Variants in MEGF6 observed in about 807,000 individuals in gnomAD.
The protein encoded by MEGF6 is multiple epidermal growth factor-like domains protein 6.
In MEGF6, 184 loss-of-function variants were observed where a neutral mutation model predicts 207.1. The observed-to-expected ratio is 0.89, with a 90% CI of 0.79 to 1.00. The LOEUF is 1.00. Ranked by LOEUF, MEGF6 falls within the 50% of genes least tolerant of loss-of-function variation. The pLI, the probability that MEGF6 is intolerant of heterozygous loss-of-function variation, is 0.00. For synonymous variants in MEGF6, 1,038 were observed against 910.0 expected (o/e 1.14, Z -2.53); for missense variants, 2,282 against 2,202.9 (o/e 1.04, Z -0.72).
At chr1:3,531,025 G>A (rs1390872935) in intron 4 of MEGF6, 8 of 1,433,770 alleles carry the variant, frequency 5.6e-6, no homozygotes, top group Non-Finnish European at 7.3e-6. Flanking sequence ...CAAAGGGAGC[G>A]CGCCGGGGAG....
intron 4 of MEGF6, among the ~76,000 whole-genome samples, chr1:3,533,626 G>A (rs909387419): frequency 2.6e-4 from 40 of 152,188 alleles, no homozygotes; most frequent in Non-Finnish European, 3.2e-4. Context: ...GCAAGGGCAC[G>A]GGCTGCGGAG....
intron 4 of MEGF6, chr1:3,531,038 C>A (rs907665710): frequency 6.9e-7 from 1 of 1,454,950 alleles, no homozygotes; most frequent in African/African-American, 1.5e-5. Flanking sequence ...CCGGGGAGCG[C>A]CCTGGCCCCG....
At chr1:3,595,545 G>C (rs1170790481) in intron 2 of MEGF6, 98 bp from the exon 3 acceptor site, 1 of 1,041,606 alleles carries the variant, frequency 9.6e-7, no homozygotes, top group Non-Finnish European at 1.4e-6. Flanking sequence ...CGTCAGCCGG[G>C]TTCCCGGCGG....
At chr1:3,511,958 G>T in intron 8 of MEGF6, 48 bp downstream of exon 8, 1 of 1,610,280 alleles carries the variant, frequency 6.2e-7, no homozygotes, top group Non-Finnish European at 8.5e-7. Flanking sequence ...CTGGGGAGCA[G>T]CATGGCCATC....
At chr1:3,496,533 C>T in intron 29 of MEGF6, 122 bp downstream of exon 29, 1 of 1,435,712 alleles carries the variant, frequency 7.0e-7, no homozygotes, top group East Asian at 2.5e-5. Flanking sequence ...GGGCCAGGCC[C>T]AGCCAGAGGG....
intron 4 of MEGF6, among the ~76,000 whole-genome samples, chr1:3,545,370 C>T (rs1570105478): frequency 6.6e-6 from 1 of 152,256 alleles, no homozygotes; most frequent in East Asian, 1.9e-4. Flanking sequence ...TGAGGGACTG[C>T]ACAGGCAGCC....
chr1:3,501,506 C>T (rs1008278613), intron 18 of MEGF6, among the ~76,000 whole-genome samples, 198 bp from the exon 19 acceptor site: 10 of 152,020 alleles, frequency 6.6e-5, no homozygotes, highest in African/African-American at 9.7e-5. Flanking sequence ...CAGTAGAGGA[C>T]CCCCAGCCCC....
At chr1:3,505,654 T>C (rs1641087723) in intron 15 of MEGF6, 98 bp from the exon 16 acceptor site, 1 of 1,418,376 alleles carries the variant, frequency 7.1e-7, no homozygotes, top group Non-Finnish European at 9.3e-7. Flanking sequence ...ACAGCCAAGA[T>C]CATGTAGGGA....
rs779823450 is a variant in MEGF6 at position 3,501,301 on chromosome 1, G to A, written c.2322C>T (p.Pro774=). The change falls in exon 19 of 37, where the codon CCC becomes CCT. Residue 774 remains proline (P), a synonymous_variant. Transcript: ENST00000356575. ...RTGEDCEADC[P]EGRWGLGCQE... is the part of the protein sequence containing the mutation. ...GGCAGCCCAGCCCCCAGCGGCCCTC[G>A]GGACAATCTAGTGCCCACCCCCATG... The A allele has an allele frequency of 2.3e-5, 37 of 1,597,128 alleles. No individual in the cohort carries two copies. Among genetic ancestry groups the A allele is most frequent in the Admixed American group, 6.9e-5 (4 of 58,266 alleles).
Position 3,496,776 on chromosome 1 carries a change from C to G in MEGF6, c.3621G>C (p.Pro1207=). The G allele has an allele frequency of 6.4e-7, 1 of 1,556,910 alleles. No individual in the cohort carries two copies. Among genetic ancestry groups the G allele is most frequent in the Non-Finnish European group, 8.7e-7 (1 of 1,150,612 alleles). ...CACAGCCTGGCCCATACCGCCCGGG[C>G]GGACATCCTGCAGGGAGAGGGGCTA... ...YHGPSCQQRC[P]PGRYGPGCEQ... Residue 1207 remains proline (P), a synonymous_variant, in exon 29 of 37, where the codon CCG becomes CCC. Transcript: ENST00000356575.
chr1:3,586,084 G>A (rs923277963), intron 3 of MEGF6, among the ~76,000 whole-genome samples: 2 of 149,614 alleles, frequency 1.3e-5, no homozygotes, highest in African/African-American at 5.0e-5. Context: ...GTGTGTGGGT[G>A]TGAGGACACA....
rs1182802469 is a variant in MEGF6, at chr1:3,501,840, T to G, written c.2270A>C (p.Gln757Pro). Residue 757 changes from glutamine (Q) to proline (P), a missense_variant, in exon 18 of 37, where the codon CAG becomes CCG. Transcript: ENST00000356575. ...AGTCCTCCCCGGCGGACACCGGCAC[T>G]GCCCCGTGACCCCGTGGCAGGGGGC... ...GGAPCHGVTG[Q>P]CRCPPGRTGE... 29 of 1,608,220 alleles carry G rather than the reference T, an allele frequency of 1.8e-5. No individual in the cohort carries two copies. The highest frequency in any genetic ancestry group is 2.4e-5 in the Non-Finnish European group (28 of 1,178,488).
At chr1:3,572,793 GGTGTGCTGGGTCCTCCCTGT>G (rs1643543055) in intron 4 of MEGF6, among the ~76,000 whole-genome samples, 5 of 147,790 alleles carry the variant, frequency 3.4e-5, no homozygotes, top group African/African-American at 7.5e-5. Context: ...GTCCTTCCTG[GGTGTGCTGGGTCCTCCCTGT>G]GTGTGCTGGG....
intron 4 of MEGF6, among the ~76,000 whole-genome samples, chr1:3,526,548 G>A (rs993040391): frequency 2.6e-5 from 4 of 152,146 alleles, no homozygotes; most frequent in East Asian, 1.9e-4. Flanking sequence ...ACAGGCACCC[G>A]CCACCACGCT....
chr1:3,500,924 G>A (rs368858699), intron 20 of MEGF6, 42 bp downstream of exon 20: 5 of 1,610,256 alleles, frequency 3.1e-6, no homozygotes, highest in Non-Finnish European at 4.2e-6. Flanking sequence ...GGCTAGGAAA[G>A]GAGGGATGTC....
At chr1:3,614,067 T>C (rs1389479775), upstream of MEGF6, among the ~76,000 whole-genome samples, 1 of 152,226 alleles carries the variant, frequency 6.6e-6, no homozygotes, top group Non-Finnish European at 1.5e-5. Context: ...CATAGCTTTT[T>C]CCCACGCCTT....
Position 3,500,641 on chromosome 1 carries a change from C to T in MEGF6, c.2699G>A (p.Cys900Tyr), listed in dbSNP as rs1183863436. ...GCAGGGCCGGGACTCACGCTGCTCG[C>T]ACCGCGGGCCCACGTAGCCAGCCTC... is the stretch of plus-strand genomic sequence containing the variant. Reference protein sequence around the residue: ...LCEAGYVGPRCEQQCPQGHFG... With the variant: ...LCEAGYVGPRYEQQCPQGHFG... The change falls in exon 21 of 37, where the codon TGC (cysteine) becomes TAC (tyrosine). Residue 900 changes from cysteine to tyrosine, a missense_variant. Coordinates refer to ENST00000356575, the MANE Select transcript of MEGF6 (RefSeq NM_001409.4). 6.4e-7 allele frequency: 1 copy of T among 1,557,770 alleles called. No individual in the cohort carries two copies. Among genetic ancestry groups the T allele is most frequent in the South Asian group, 1.2e-5 (1 of 84,858 alleles).
intron 29 of MEGF6, among the ~76,000 whole-genome samples, 200 bp from the exon 30 acceptor site, chr1:3,496,218 C>T (rs1048126980): frequency 4.6e-5 from 7 of 152,152 alleles, no homozygotes; most frequent in African/African-American, 1.2e-4. Flanking sequence ...AGGCCACTGC[C>T]GCCTGCTCTG....
chr1:3,611,767 T>C (rs1450618986), upstream of MEGF6, among the ~76,000 whole-genome samples: 1 of 137,878 alleles, frequency 7.3e-6, no homozygotes, highest in African/African-American at 2.6e-5. Flanking sequence ...CCCACAGCCT[T>C]CCCGAGTCCC....
Sources: gnomAD v4.1 joint callset for allele counts (sites outside exome capture counted in the v4.1 genomes callset) on GRCh38, gnomAD v4.1.1 for gene constraint, MANE v1.5 for transcripts, NCBI Gene and HGNC (gene_info 2026-07-23, HGNC 2026-07-21) for gene names.